Variants in ARHGAP15 observed in about 807,000 individuals in gnomAD.
The protein encoded by ARHGAP15 is Rho GTPase activating protein 15.
In ARHGAP15, 51 loss-of-function variants were observed where a neutral mutation model predicts 63.7. The ratio of observed to expected loss-of-function variants is 0.80; its 90% CI spans 0.64 to 1.01. ARHGAP15 has a LOEUF of 1.01. ARHGAP15 is among the 50% of genes least tolerant of loss of function. The pLI is 0.00. For missense variants in ARHGAP15, 560 were observed against 564.6 expected (o/e 0.99, Z 0.08); for synonymous variants, 191 against 193.8 (o/e 0.99, Z 0.12).
intron 11 of ARHGAP15, among the ~76,000 whole-genome samples, chr2:143,575,454 G>A (rs1430204627): frequency 6.6e-6 from 1 of 152,126 alleles, no homozygotes; most frequent in African/African-American, 2.4e-5. Flanking sequence ...GGGATAAGGG[G>A]AAGACTATAT....
At chr2:143,141,901 C>T (rs1689385709) in intron 1 of ARHGAP15, among the ~76,000 whole-genome samples, 1 of 151,954 alleles carries the variant, frequency 6.6e-6, no homozygotes, top group Admixed American at 6.6e-5. Context: ...GCCTGCAGGC[C>T]AGTTGGGATA....
chr2:143,291,470 T>C (rs900929808), intron 6 of ARHGAP15, among the ~76,000 whole-genome samples: 1 of 147,608 alleles, frequency 6.8e-6, no homozygotes, highest in East Asian at 2.1e-4. Flanking sequence ...GCTTGCTAAG[T>C]GTTATGCCAT....
intron 10 of ARHGAP15, among the ~76,000 whole-genome samples, chr2:143,549,581 C>A (rs2105070085): frequency 6.6e-6 from 1 of 152,270 alleles, no homozygotes; most frequent in South Asian, 2.1e-4. Context: ...CAGGATCTAA[C>A]AGCTGTGAGA....
intron 10 of ARHGAP15, among the ~76,000 whole-genome samples, chr2:143,549,733 C>T (rs755478497): frequency 6.6e-6 from 1 of 152,138 alleles, no homozygotes; most frequent in Non-Finnish European, 1.5e-5. Context: ...CAGGTCTTCT[C>T]CAACAGAATT....
At chr2:143,383,833 A>AAC (rs1687158290) in intron 6 of ARHGAP15, among the ~76,000 whole-genome samples, 1 of 152,190 alleles carries the variant, frequency 6.6e-6, no homozygotes, top group Non-Finnish European at 1.5e-5. Context: ...TGAAATACTA[A>AAC]ACAAGTCACA....
At chr2:143,468,659 A>AGTGTGT (rs778518753) in intron 8 of ARHGAP15, among the ~76,000 whole-genome samples, 69 of 109,834 alleles carry the variant, frequency 6.3e-4, no homozygotes, top group Admixed American at 8.5e-4. Context: ...AGAGAGAGAG[A>AGTGTGT]GAGAGTGTGT....
intron 1 of ARHGAP15, among the ~76,000 whole-genome samples, chr2:143,154,393 A>C (rs553940508): frequency 2.0e-4 from 31 of 151,942 alleles, no homozygotes; most frequent in African/African-American, 7.0e-4. Flanking sequence ...TTCTAGCCTC[A>C]TTGTCCAACA....
chr2:143,725,021 A>G (rs1685218350), intron 13 of ARHGAP15, among the ~76,000 whole-genome samples: 1 of 152,228 alleles, frequency 6.6e-6, no homozygotes, highest in African/African-American at 2.4e-5. Flanking sequence ...TTCAAGATTC[A>G]GAAGTTCTTT....
At chr2:143,317,719 T>C (rs1683784687) in intron 6 of ARHGAP15, among the ~76,000 whole-genome samples, 1 of 152,140 alleles carries the variant, frequency 6.6e-6, no homozygotes, top group Admixed American at 6.5e-5. Flanking sequence ...AGTTATGTGT[T>C]CATAACCGTG....
intron 4 of ARHGAP15, among the ~76,000 whole-genome samples, chr2:143,227,804 C>T (rs897245987): frequency 6.6e-6 from 1 of 152,128 alleles, no homozygotes; most frequent in African/African-American, 2.4e-5. Flanking sequence ...TCTATGCATA[C>T]AGACTCGGCA....
At chr2:143,540,304 C>T (rs1694986653) in intron 10 of ARHGAP15, among the ~76,000 whole-genome samples, 1 of 152,180 alleles carries the variant, frequency 6.6e-6, no homozygotes, top group African/African-American at 2.4e-5. Context: ...CTGAATACAG[C>T]ACTATGATGG....
intron 2 of ARHGAP15, among the ~76,000 whole-genome samples, chr2:143,188,532 G>A (rs1461363739): frequency 6.6e-6 from 1 of 151,322 alleles, no homozygotes; most frequent in Non-Finnish European, 1.5e-5. Flanking sequence ...AGGCTCTATT[G>A]GCCTAACACG....
At chr2:143,379,729 T>C (rs1447101675) in intron 6 of ARHGAP15, among the ~76,000 whole-genome samples, 2 of 151,922 alleles carry the variant, frequency 1.3e-5, no homozygotes, top group Non-Finnish European at 2.9e-5. Context: ...GAATCTGAAA[T>C]AATTATTAAT....
intron 13 of ARHGAP15, among the ~76,000 whole-genome samples, chr2:143,761,953 T>A (rs1223198384): frequency 2.0e-5 from 3 of 152,186 alleles, no homozygotes; most frequent in African/African-American, 7.2e-5. Context: ...CTTAGTGGTA[T>A]AAGAAATGCT....
At chr2:143,401,215 G>A (rs974706143) in intron 6 of ARHGAP15, among the ~76,000 whole-genome samples, 2 of 151,744 alleles carry the variant, frequency 1.3e-5, no homozygotes, top group Non-Finnish European at 2.9e-5. Flanking sequence ...GTTTAGGTGG[G>A]GTAGGATGAA....
intron 6 of ARHGAP15, among the ~76,000 whole-genome samples, chr2:143,281,567 T>C (rs1339994574): frequency 9.2e-5 from 14 of 152,122 alleles, no homozygotes; most frequent in Admixed American, 6.6e-4. Flanking sequence ...CTTCCATAGG[T>C]AACGTGGACT....
At chr2:143,206,629 C>T (rs1459955068) in intron 3 of ARHGAP15, among the ~76,000 whole-genome samples, 2 of 152,000 alleles carry the variant, frequency 1.3e-5, no homozygotes, top group Non-Finnish European at 2.9e-5. Flanking sequence ...CTTTATTGCT[C>T]TTACTGAGCT....
intron 12 of ARHGAP15, among the ~76,000 whole-genome samples, chr2:143,664,279 A>C (rs1682021316): frequency 6.6e-6 from 1 of 151,956 alleles, no homozygotes; most frequent in South Asian, 2.1e-4. Flanking sequence ...AAAACCGCTC[A>C]ACTACATGGA....
At chr2:143,438,294 T>G (rs1417623780) in intron 8 of ARHGAP15, among the ~76,000 whole-genome samples, 3 of 152,158 alleles carry the variant, frequency 2.0e-5, no homozygotes, top group Admixed American at 2.0e-4. Flanking sequence ...TATGTATGTA[T>G]GCTAGATGAT....
Sources: allele counts gnomAD v4.1 joint callset (sites outside exome capture counted in the v4.1 genomes callset), GRCh38; gene constraint gnomAD v4.1.1; transcripts MANE v1.5; gene names NCBI Gene and HGNC (gene_info 2026-07-23, HGNC 2026-07-21).